The following CCNY variants were observed in gnomAD, a reference collection of about 807,000 sequenced individuals.
The protein encoded by CCNY is cyclin-Y.
Under a neutral mutation model 42.8 loss-of-function variants are expected in CCNY, and 19 were observed. The observed-to-expected ratio is 0.44, with a 90% CI of 0.31 to 0.65. CCNY has a LOEUF of 0.65. CCNY is among the 30% of genes least tolerant of loss of function. The pLI is 0.07. For missense variants in CCNY, 370 were observed against 437.3 expected, an observed-to-expected ratio of 0.85 and a Z score of 1.37; for synonymous variants, 165 against 162.7, an observed-to-expected ratio of 1.01 and a Z score of -0.11.
intron 3 of CCNY, among the ~76,000 whole-genome samples, chr10:35,260,782 CA>C (rs1370413595): frequency 6.6e-6 from 1 of 152,156 alleles, no homozygotes. Context: ...CTGATAGTTC[CA>C]TTTAAAGATC....
At chr10:35,463,923 A>G (rs1171663408) in intron 1 of CCNY, among the ~76,000 whole-genome samples, 2 of 152,244 alleles carry the variant, frequency 1.3e-5, no homozygotes, top group African/African-American at 4.8e-5. Context: ...CTGCCTGGCC[A>G]GCATTAAAGC....
At chr10:35,288,153 A>G (rs1335626647) in intron 3 of CCNY, among the ~76,000 whole-genome samples, 1 of 152,168 alleles carries the variant, frequency 6.6e-6, no homozygotes, top group African/African-American at 2.4e-5. Flanking sequence ...TAGCTATTTT[A>G]TTGAGTGAGT....
At chr10:35,272,943 C>G (rs1835189816) in intron 3 of CCNY, among the ~76,000 whole-genome samples, 1 of 148,714 alleles carries the variant, frequency 6.7e-6, no homozygotes, top group Admixed American at 6.7e-5. Flanking sequence ...TTTTTTTTGA[C>G]TTTTTAATAA....
intron 3 of CCNY, among the ~76,000 whole-genome samples, chr10:35,312,574 C>G (rs929175242): frequency 6.6e-6 from 1 of 151,562 alleles, no homozygotes; most frequent in Middle Eastern, 3.2e-3. Flanking sequence ...AGTCATTCTC[C>G]GTTTTGCGAC....
At chr10:35,467,201 T>TTTATAA (rs1210659331) in intron 1 of CCNY, among the ~76,000 whole-genome samples, 1 of 152,234 alleles carries the variant, frequency 6.6e-6, no homozygotes, top group Admixed American at 6.5e-5. Context: ...ATTTTGGCTT[T>TTTATAA]TTATAATCTA....
intron 7 of CCNY, among the ~76,000 whole-genome samples, chr10:35,538,950 A>G (rs182182100): frequency 3.9e-5 from 6 of 152,264 alleles, no homozygotes; most frequent in South Asian, 2.1e-4. Context: ...TTTTGAGCTA[A>G]TTTTTGTGAG....
At chr10:35,305,273 C>A (rs1227302736) in intron 3 of CCNY, among the ~76,000 whole-genome samples, 1 of 152,152 alleles carries the variant, frequency 6.6e-6, no homozygotes, top group Admixed American at 6.5e-5. Context: ...AAATTTCCTA[C>A]AGTTAATGCT....
intron 1 of CCNY, among the ~76,000 whole-genome samples, chr10:35,342,961 A>G (rs1178757713): frequency 6.8e-6 from 1 of 147,844 alleles, no homozygotes; most frequent in Non-Finnish European, 1.5e-5. Context: ...GCTTTTGTCT[A>G]GCAATATTTT....
chr10:35,532,750 G>A (rs912777629), intron 7 of CCNY, among the ~76,000 whole-genome samples: 4 of 152,136 alleles, frequency 2.6e-5, no homozygotes, highest in Non-Finnish European at 4.4e-5. Flanking sequence ...GCCCCTCCAC[G>A]AGGCCCTTCC....
intron 1 of CCNY, among the ~76,000 whole-genome samples, chr10:35,354,600 C>T (rs1224141232): frequency 6.6e-6 from 1 of 152,084 alleles, no homozygotes; most frequent in Non-Finnish European, 1.5e-5. Context: ...GTGTGAATAC[C>T]AGGAGATACA....
chr10:35,400,369 A>C (rs1278003833), intron 1 of CCNY, among the ~76,000 whole-genome samples: 1 of 152,072 alleles, frequency 6.6e-6, no homozygotes, highest in Non-Finnish European at 1.5e-5. Flanking sequence ...TTGGGAATGA[A>C]TTCCTGGGGC....
chr10:35,517,393 A>T (rs1470440187), intron 4 of CCNY, among the ~76,000 whole-genome samples: 1 of 152,208 alleles, frequency 6.6e-6, no homozygotes, highest in Non-Finnish European at 1.5e-5. Context: ...GCTCAGTTTT[A>T]AAAAATCTGA....
chr10:35,391,367 A>C (rs1441201166), intron 1 of CCNY, among the ~76,000 whole-genome samples: 2 of 152,112 alleles, frequency 1.3e-5, no homozygotes, highest in Admixed American at 6.5e-5. Flanking sequence ...AAGAACAGGT[A>C]ACTAAAGGTG....
chr10:35,426,356 GA>G (rs1304759958), intron 1 of CCNY, among the ~76,000 whole-genome samples: 1 of 152,126 alleles, frequency 6.6e-6, no homozygotes, highest in Non-Finnish European at 1.5e-5. Context: ...AGGTTATTAA[GA>G]AGGCCTGATA....
chr10:35,540,412 A>G (rs1840974906), intron 7 of CCNY, among the ~76,000 whole-genome samples: 2 of 152,210 alleles, frequency 1.3e-5, no homozygotes, highest in African/African-American at 4.8e-5. Context: ...GTCACAGTGT[A>G]TAATTCTTTT....
chr10:35,478,348 A>G (rs1839570257), intron 1 of CCNY, among the ~76,000 whole-genome samples: 1 of 151,996 alleles, frequency 6.6e-6, no homozygotes, highest in Admixed American at 6.6e-5. Flanking sequence ...CTAAGCCAAA[A>G]GAACAAAGCT....
At chr10:35,489,989 C>T (rs1371030383) in intron 2 of CCNY, among the ~76,000 whole-genome samples, 3 of 152,198 alleles carry the variant, frequency 2.0e-5, no homozygotes, top group Admixed American at 2.0e-4. Flanking sequence ...AACACCTTCC[C>T]TGACTGCTGC....
intron 1 of CCNY, among the ~76,000 whole-genome samples, chr10:35,407,825 C>T (rs1837814445): frequency 6.6e-6 from 1 of 152,080 alleles, no homozygotes; most frequent in African/African-American, 2.4e-5. Context: ...CGTCTCCGCA[C>T]TTGACTTGCC....
chr10:35,496,893 A>G (rs1023693900), intron 2 of CCNY, among the ~76,000 whole-genome samples: 6 of 152,242 alleles, frequency 3.9e-5, no homozygotes, highest in Admixed American at 2.6e-4. Context: ...CTCAGATTGC[A>G]AACACTGCCT....
Sources: allele counts gnomAD v4.1 joint callset (sites outside exome capture counted in the v4.1 genomes callset), GRCh38; gene constraint gnomAD v4.1.1; transcripts MANE v1.5; gene names NCBI Gene and HGNC (gene_info 2026-07-23, HGNC 2026-07-21).